Variants in PAK4 observed in about 807,000 individuals in gnomAD.
PAK4 encodes p21 (RAC1) activated kinase 4.
Under a neutral mutation model 53.5 loss-of-function variants are expected in PAK4, and 49 were observed. That is an observed-to-expected ratio of 0.92 (90% CI 0.73 to 1.16). The LOEUF (loss-of-function observed/expected upper bound fraction) is 1.16, where lower values mean the gene tolerates loss of function less well. Ranked by LOEUF, PAK4 falls within the 50% of genes most tolerant of loss-of-function variation. The pLI is 0.00. For missense variants in PAK4, 824 were observed against 850.7 expected (o/e 0.97, Z 0.39); for synonymous variants, 376 against 375.6 (o/e 1.00, Z -0.01).
Position 39,178,602 on chromosome 19 carries a change from C to T in PAK4, c.*23C>T. 2 of 1,550,332 alleles carry T rather than the reference C, an allele frequency of 1.3e-6. No individual in the cohort carries two copies. Among genetic ancestry groups the T allele is most frequent in the East Asian group, 2.3e-5 (1 of 43,210 alleles). ...TGAGGCCCAGCGCCCTTCCCCTCAA[C>T]CAAAGAGCCCCCCGGGTCACCCCCG... is the stretch of plus-strand genomic sequence containing the variant. On this transcript the variant is annotated 3_prime_UTR_variant, in exon 9 of 9. Coordinates refer to ENST00000358301, the Ensembl canonical transcript of PAK4. The surrounding 1 kb of genome is among the most constrained non-coding windows in gnomAD (Gnocchi z 4.4).
At position 39,161,075 on chromosome 19, in the gene PAK4, C is replaced by T. The variant is rs990487521; in HGVS notation, c.-22-8457C>T. On this transcript the variant is annotated intron_variant, in intron 1 of 8. Coordinates refer to ENST00000358301, the Ensembl canonical transcript of PAK4. The surrounding 1 kb of genome is among the most constrained non-coding windows in gnomAD (Gnocchi z 4.5). ...GGGGAACAGGAAGGAAGAGGACTCCCCACCCAGCACCCAGCACTGTTTAGA... is the reference window on the plus strand; with the variant it reads ...GGGGAACAGGAAGGAAGAGGACTCCTCACCCAGCACCCAGCACTGTTTAGA... Among the ~76,000 whole-genome samples the T allele has an allele frequency of 1.3e-5, 2 of 152,182 alleles. No homozygotes were observed. The highest frequency in any genetic ancestry group is 2.9e-5 in the Non-Finnish European group (2 of 68,024).
intron 1 of PAK4, among the ~76,000 whole-genome samples, chr19:39,150,076 A>G (rs148839699): frequency 3.3e-5 from 5 of 152,326 alleles, no homozygotes; most frequent in East Asian, 1.9e-4. Context: ...ATGGTTAACA[A>G]TGATAAATAT....
In PAK4 at chr19:39,131,668, G is replaced by A. The variant is rs566287029; in HGVS notation, c.-23+5749G>A. ...GCCAGCGCTGGCGGATGCGACAGAAGCCACCGCTCACTGAAGCCTCTCTCC... is the reference window on the plus strand; with the variant it reads ...GCCAGCGCTGGCGGATGCGACAGAAACCACCGCTCACTGAAGCCTCTCTCC... On this transcript the variant is annotated intron_variant, in intron 1 of 8. Coordinates refer to ENST00000358301, the Ensembl canonical transcript of PAK4. Among the ~76,000 whole-genome samples, 343 of 152,306 alleles carry A rather than the reference G, an allele frequency of 2.3e-3. 4 individuals are homozygous for A. Among genetic ancestry groups the A allele is most frequent in the Admixed American group, 4.7e-3 (72 of 15,298 alleles).
chr19:39,140,505 T>C (rs2145144352), intron 1 of PAK4, among the ~76,000 whole-genome samples: 1 of 152,352 alleles, frequency 6.6e-6, no homozygotes, highest in East Asian at 1.9e-4. Context: ...GGGAGTCCTC[T>C]ACTGCCAGTT....
intron 1 of PAK4, among the ~76,000 whole-genome samples, chr19:39,135,367 G>A (rs189263663): frequency 1.8e-5 from 2 of 108,764 alleles, no homozygotes; most frequent in African/African-American, 7.3e-5. Flanking sequence ...ATGGAGCCTT[G>A]CTCTGTCACC....
exon 8 of PAK4, chr19:39,177,726 C>G: frequency 6.2e-7 from 1 of 1,613,412 alleles, no homozygotes; most frequent in African/African-American, 1.3e-5. Flanking sequence ...GGACGGAGAG[C>G]CCCCCTACTT....
rs767821992 is a variant in PAK4, at chr19:39,175,481, G to C, written c.1359+43G>C. On this transcript the variant is annotated intron_variant, in intron 6 of 8. Transcript: ENST00000358301. The surrounding 1 kb of genome is among the most constrained non-coding windows in gnomAD (Gnocchi z 4.7). ...GGGGTACGGGGGCGGCAGGTTTCCG[G>C]CTGCGGGGCTTCCCTGCCTCTTCCC... is the stretch of plus-strand genomic sequence containing the variant. 13 of 1,557,768 alleles carry C rather than the reference G, an allele frequency of 8.3e-6. No homozygotes were observed. In the East Asian group the frequency reaches 3.0e-4, roughly 36 times the overall value.
At chr19:39,127,237 T>C (rs113703321) in intron 1 of PAK4, among the ~76,000 whole-genome samples, 66 of 152,004 alleles carry the variant, frequency 4.3e-4, no homozygotes, top group African/African-American at 1.5e-3. Flanking sequence ...CTGTGGTCCT[T>C]AGTCACTCCC....
At chr19:39,169,006 G>T (rs1193882645) in intron 1 of PAK4, among the ~76,000 whole-genome samples, 2 of 152,220 alleles carry the variant, frequency 1.3e-5, no homozygotes, top group Non-Finnish European at 1.5e-5. Flanking sequence ...TAGCGGTGCG[G>T]TGTGGATGCT....
At chr19:39,172,154 A>G (rs1048847175) in intron 2 of PAK4, among the ~76,000 whole-genome samples, 7 of 149,712 alleles carry the variant, frequency 4.7e-5, no homozygotes, top group Non-Finnish European at 8.9e-5. Flanking sequence ...GGAGGGAGGG[A>G]GCCACAGGGA....
At chr19:39,148,123 T>C (rs1177748171) in intron 1 of PAK4, among the ~76,000 whole-genome samples, 2 of 151,916 alleles carry the variant, frequency 1.3e-5, no homozygotes, top group African/African-American at 4.8e-5. Context: ...AGCTAATTTT[T>C]GTATGTTTAG....
rs1243071392 is a variant in PAK4, at chr19:39,178,382, G to T, written c.1621-42G>T. The T allele has an allele frequency of 1.3e-6, 2 of 1,551,832 alleles. No individual in the cohort carries two copies. The highest frequency in any genetic ancestry group is 1.7e-6 in the Non-Finnish European group (2 of 1,148,842). ...ACTGCAGCCCTACAGCAAATGAACA[G>T]TGGGGAGCCTCGCCCCCTGACCCTC... On this transcript the variant is annotated intron_variant, in intron 8 of 8. Coordinates refer to ENST00000358301, the Ensembl canonical transcript of PAK4. This position sits in a 1 kb window ranked among gnomAD's most constrained non-coding sequence, Gnocchi z 4.4.
At chr19:39,167,290 G>C (rs1462147561) in intron 1 of PAK4, among the ~76,000 whole-genome samples, 1 of 152,218 alleles carries the variant, frequency 6.6e-6, no homozygotes, top group Non-Finnish European at 1.5e-5. Context: ...GGGGCCAAAG[G>C]GGGTGGAGGG....
At chr19:39,163,432 T>C (rs2074317084) in intron 1 of PAK4, among the ~76,000 whole-genome samples, 1 of 152,102 alleles carries the variant, frequency 6.6e-6, no homozygotes, top group African/African-American at 2.4e-5. Context: ...CACGCTCACG[T>C]CTGCTGACAC....
chr19:39,165,192 G>GATAATAATAATAATA (rs74176492), intron 1 of PAK4, among the ~76,000 whole-genome samples: 6,492 of 130,144 alleles, frequency 0.05, 208 homozygotes, highest in African/African-American at 0.072. Flanking sequence ...TGATGATGAT[G>GATAATAATAATAATA]ATGATAATAA....
At chr19:39,177,156 C>G (rs567433497) in intron 7 of PAK4, among the ~76,000 whole-genome samples, 1 of 152,308 alleles carries the variant, frequency 6.6e-6, no homozygotes, top group South Asian at 2.1e-4. Context: ...TGTGAGCCAC[C>G]GCGCCCAGCC....
At position 39,173,314 on chromosome 19, in the gene PAK4, G is replaced by T; in HGVS notation, c.601G>T (p.Ala201Ser). The T allele has an allele frequency of 6.3e-7, 1 of 1,599,048 alleles. No homozygotes were observed. The highest frequency in any genetic ancestry group is 1.7e-5 in the Admixed American group (1 of 58,274). The change falls in exon 3 of 9, where the codon GCT becomes TCT. Residue 201 changes from alanine to serine, a missense_variant. Physicochemically the swap from Ala to Ser is moderately conservative, Grantham distance 99 (BLOSUM62 1). Around this residue, in one of 2 missense-constraint regions of PAK4, gnomAD observed 478 missense variants for 435.8 expected, o/e 1.10. Transcript: ENST00000358301. This position sits in a 1 kb window ranked among gnomAD's most constrained non-coding sequence, Gnocchi z 6.9. ...TCTGGCCAGTGGGGCGAAACTGGCA[G>T]CTGGCCGGCCCTTTAACACCTACCC...
chr19:39,134,915 TTC>T (rs1488182453), intron 1 of PAK4: 1 of 152,350 alleles, frequency 6.6e-6, no homozygotes, highest in African/African-American at 2.4e-5. Flanking sequence ...CCATATAATA[TTC>T]TGTTCCTCCA....
At chr19:39,137,202 C>T (rs1368652653) in intron 1 of PAK4, among the ~76,000 whole-genome samples, 4 of 152,124 alleles carry the variant, frequency 2.6e-5, no homozygotes, top group Non-Finnish European at 4.4e-5. Flanking sequence ...ACCCGTGTGG[C>T]CTCCAGGGAT....
Sources: gnomAD v4.1 joint callset for allele counts (sites outside exome capture counted in the v4.1 genomes callset) on GRCh38, gnomAD v4.1.1 for gene constraint, gnomAD v4.1.1 regional missense constraint, Gnocchi (gnomAD v3.1) non-coding constraint, MANE v1.5 for transcripts, NCBI Gene and HGNC (gene_info 2026-07-23, HGNC 2026-07-21) for gene names.